RSPO2: variants seen among roughly 807,000 people sequenced by gnomAD.
RSPO2 encodes R-spondin-2.
RSPO2 carries 14 observed loss-of-function variants against 30.9 expected under a neutral mutation model. The ratio of observed to expected loss-of-function variants is 0.45; its 90% CI spans 0.30 to 0.71. The LOEUF (loss-of-function observed/expected upper bound fraction) is 0.71, where lower values mean the gene tolerates loss of function less well. Ranked by LOEUF, RSPO2 falls within the 30% of genes least tolerant of loss-of-function variation. The probability of loss-of-function intolerance (pLI) is 0.08; values close to 1 mark genes in which losing one functional copy is unlikely to be tolerated. For missense variants in RSPO2, 264 were observed against 301.9 expected (o/e 0.87, Z 0.93); for synonymous variants, 107 against 96.4 (o/e 1.11, Z -0.64).
chr8:107,987,905 T>G (rs904445688), intron 3 of RSPO2, among the ~76,000 whole-genome samples: 4 of 152,142 alleles, frequency 2.6e-5, no homozygotes, highest in Non-Finnish European at 2.9e-5. Context: ...TGAGATTTAA[T>G]TATCTCATAT....
chr8:107,946,117 A>T (rs1162910724), intron 5 of RSPO2, among the ~76,000 whole-genome samples: 1 of 152,240 alleles, frequency 6.6e-6, no homozygotes, highest in African/African-American at 2.4e-5. Flanking sequence ...GTCATTATTT[A>T]AAGAACTCAC....
intron 2 of RSPO2, among the ~76,000 whole-genome samples, chr8:108,031,602 G>A (rs937293234): frequency 1.3e-5 from 2 of 152,160 alleles, no homozygotes; most frequent in Non-Finnish European, 2.9e-5. Flanking sequence ...GTAAAAGGCC[G>A]TAACTTCATA....
At chr8:107,903,965 A>T (rs1811556644) in intron 5 of RSPO2, among the ~76,000 whole-genome samples, 1 of 152,106 alleles carries the variant, frequency 6.6e-6, no homozygotes, top group Non-Finnish European at 1.5e-5. Context: ...AAGAATACTA[A>T]AATACAACGT....
At chr8:107,996,939 T>C (rs981447552) in intron 2 of RSPO2, 3 of 455,452 alleles carry the variant, frequency 6.6e-6, no homozygotes, top group Non-Finnish European at 1.3e-5. Context: ...GTTATCTTTA[T>C]AACCCTACAC....
intron 3 of RSPO2, among the ~76,000 whole-genome samples, chr8:107,984,504 A>G (rs1814560895): frequency 6.6e-6 from 1 of 152,216 alleles, no homozygotes; most frequent in South Asian, 2.1e-4. Flanking sequence ...CACTACTCAT[A>G]ATGATAACCT....
chr8:107,930,174 T>C (rs1317608183), intron 5 of RSPO2, among the ~76,000 whole-genome samples: 1 of 152,214 alleles, frequency 6.6e-6, no homozygotes, highest in Non-Finnish European at 1.5e-5. Context: ...TTGACATAGG[T>C]ATTATTTTAC....
At chr8:108,058,533 T>A (rs1812335010) in intron 2 of RSPO2, among the ~76,000 whole-genome samples, 1 of 152,118 alleles carries the variant, frequency 6.6e-6, no homozygotes, top group Non-Finnish European at 1.5e-5. Context: ...AGAGCCTGCA[T>A]CGCCAAGTCA....
intron 5 of RSPO2, among the ~76,000 whole-genome samples, chr8:107,940,042 C>G (rs746555170): frequency 6.6e-6 from 1 of 152,068 alleles, no homozygotes; most frequent in Non-Finnish European, 1.5e-5. Context: ...CCCTAGATCC[C>G]TTTGATTTTG....
intron 2 of RSPO2, among the ~76,000 whole-genome samples, chr8:108,018,365 GT>G (rs1293151442): frequency 6.6e-6 from 1 of 152,160 alleles, no homozygotes; most frequent in East Asian, 1.9e-4. Context: ...TCACACTGTA[GT>G]ATATTAACCA....
chr8:108,082,420 C>A, intron 2 of RSPO2, 125 bp downstream of exon 2: 1 of 686,742 alleles, frequency 1.5e-6, no homozygotes, highest in Non-Finnish European at 2.5e-6. Context: ...GGACTGGGGA[C>A]CCGCAAAAGC....
At chr8:107,917,098 A>G (rs1242904496) in intron 5 of RSPO2, among the ~76,000 whole-genome samples, 1 of 152,166 alleles carries the variant, frequency 6.6e-6, no homozygotes, top group East Asian at 1.9e-4. Context: ...AAGAGGAGAG[A>G]GAAGGGACAG....
At chr8:108,073,264 T>TA (rs1189110790) in intron 2 of RSPO2, among the ~76,000 whole-genome samples, 1 of 152,162 alleles carries the variant, frequency 6.6e-6, no homozygotes, top group Non-Finnish European at 1.5e-5. Context: ...CCTGAACCAA[T>TA]AGGGCAAAGC....
intron 1 of RSPO2, 101 bp from the exon 2 acceptor site, chr8:108,082,908 G>A (rs1813256097): frequency 2.2e-6 from 1 of 459,726 alleles, no homozygotes; most frequent in Non-Finnish European, 3.8e-6. Flanking sequence ...GAGAGGGAAG[G>A]AGGAAGCGAA....
At chr8:107,984,054 A>G (rs1814542467) in intron 3 of RSPO2, 1 of 549,636 alleles carries the variant, frequency 1.8e-6, no homozygotes, top group Non-Finnish European at 3.2e-6. Context: ...AACCACATAG[A>G]AGGGTCATCC....
intron 2 of RSPO2, among the ~76,000 whole-genome samples, chr8:108,078,808 A>C (rs1813094842): frequency 6.6e-6 from 1 of 152,234 alleles, no homozygotes; most frequent in Non-Finnish European, 1.5e-5. Context: ...GGACCACCAG[A>C]AACATGAATT....
intron 2 of RSPO2, among the ~76,000 whole-genome samples, chr8:108,035,829 G>A (rs1229659506): frequency 6.6e-6 from 1 of 152,070 alleles, no homozygotes; most frequent in Non-Finnish European, 1.5e-5. Context: ...TTTCAGTTTC[G>A]CTGGATTGGG....
At chr8:108,029,137 C>G (rs1451394049) in intron 2 of RSPO2, among the ~76,000 whole-genome samples, 1 of 128,906 alleles carries the variant, frequency 7.8e-6, no homozygotes, top group African/African-American at 2.8e-5. Context: ...CAAACTACAA[C>G]CAACCAGCCA....
chr8:108,078,670 T>G (rs183476025), intron 2 of RSPO2, among the ~76,000 whole-genome samples: 1 of 152,324 alleles, frequency 6.6e-6, no homozygotes, highest in East Asian at 1.9e-4. Flanking sequence ...GACAAACCCT[T>G]CCTTTTTATG....
chr8:108,073,857 T>C (rs1812928904), intron 2 of RSPO2, among the ~76,000 whole-genome samples: 1 of 152,162 alleles, frequency 6.6e-6, no homozygotes, highest in African/African-American at 2.4e-5. Flanking sequence ...GGCTGAAAAC[T>C]CACACAAGGA....
Sources: gnomAD v4.1 joint callset for allele counts (sites outside exome capture counted in the v4.1 genomes callset) on GRCh38, gnomAD v4.1.1 for gene constraint, MANE v1.5 for transcripts, NCBI Gene and HGNC (gene_info 2026-07-23, HGNC 2026-07-21) for gene names.